The following NIPBL variants were observed in gnomAD, a reference collection of about 807,000 sequenced individuals.
NIPBL encodes nipped-B-like protein.
NIPBL carries 19 observed loss-of-function variants against 321.8 expected under a neutral mutation model. The observed-to-expected ratio is 0.06, with a 90% confidence interval of 0.04 to 0.09. NIPBL has a LOEUF of 0.09. Among genes scored for constraint, NIPBL ranks in the 10% least tolerant of loss-of-function variants. The pLI is 1.00. For synonymous variants in NIPBL, 1,106 were observed against 1,114.1 expected (o/e 0.99, Z 0.14); for missense variants, 2,210 against 3,327.0 (o/e 0.66, Z 8.26).
chr5:36,968,723 T>A (rs1286923555), intron 6 of NIPBL, among the ~76,000 whole-genome samples: 2 of 152,146 alleles, frequency 1.3e-5, no homozygotes, highest in African/African-American at 4.8e-5. Context: ...AGAGGTTGAT[T>A]TAATGTTACC....
intron 44 of NIPBL, among the ~76,000 whole-genome samples, chr5:37,060,521 G>A (rs1299079146): frequency 6.6e-6 from 1 of 152,140 alleles, no homozygotes; most frequent in Non-Finnish European, 1.5e-5. Flanking sequence ...TTAAAACCTT[G>A]TAAGGTTTTG....
intron 34 of NIPBL, among the ~76,000 whole-genome samples, chr5:37,041,421 A>C (rs1752356072): frequency 1.3e-5 from 2 of 150,782 alleles, no homozygotes; most frequent in African/African-American, 4.9e-5. Flanking sequence ...ACACCACCAC[A>C]CCTGGCTAAT....
At chr5:37,009,810 G>A (rs1012764783) in intron 20 of NIPBL, among the ~76,000 whole-genome samples, 7 of 152,166 alleles carry the variant, frequency 4.6e-5, no homozygotes, top group Admixed American at 2.0e-4. Context: ...ATGTTTAGTA[G>A]TAGTATGAAT....
At chr5:36,964,314 A>C (rs1413882190) in intron 6 of NIPBL, among the ~76,000 whole-genome samples, 1 of 152,184 alleles carries the variant, frequency 6.6e-6, no homozygotes, top group Non-Finnish European at 1.5e-5. Flanking sequence ...GAAAAAGAAA[A>C]AAGCTGGAGG....
intron 1 of NIPBL, among the ~76,000 whole-genome samples, chr5:36,917,097 A>T (rs980085157): frequency 7.2e-5 from 11 of 152,322 alleles, no homozygotes; most frequent in Middle Eastern, 6.8e-3. Context: ...CAATGACTGA[A>T]CTAGTTTACA....
intron 1 of NIPBL, among the ~76,000 whole-genome samples, chr5:36,943,284 TATA>T (rs1330079408): frequency 2.6e-5 from 4 of 152,146 alleles, no homozygotes; most frequent in African/African-American, 9.7e-5. Context: ...ATTTGTCAAT[TATA>T]ATAACATCAA....
chr5:36,958,856 A>G (rs1741277067), intron 4 of NIPBL, among the ~76,000 whole-genome samples: 1 of 152,208 alleles, frequency 6.6e-6, no homozygotes, highest in Non-Finnish European at 1.5e-5. Flanking sequence ...AAAATAGGGC[A>G]GGAATAGCTT....
chr5:36,911,069 T>C (rs1049499523), intron 1 of NIPBL, among the ~76,000 whole-genome samples: 23 of 152,224 alleles, frequency 1.5e-4, no homozygotes, highest in Non-Finnish European at 3.2e-4. Context: ...ACTAGCATTG[T>C]ATGAATGAAG....
chr5:37,054,523 T>G (rs1753902034), intron 42 of NIPBL, among the ~76,000 whole-genome samples: 1 of 152,188 alleles, frequency 6.6e-6, no homozygotes, highest in Non-Finnish European at 1.5e-5. Context: ...TGATGGTTTG[T>G]GTTGATAATA....
At position 36,934,972 on chromosome 5, in the gene NIPBL, A is replaced by G. The variant is rs577847490; in HGVS notation, c.-79-18646A>G. Among the ~76,000 whole-genome samples, 10 of 152,214 alleles carry G rather than the reference A, an allele frequency of 6.6e-5. No individual in the cohort carries two copies. The South Asian group carries it at 1.0e-3, about 16-fold the overall frequency. ...CTCACCATGCGCGTTGAATGTTGCA[A>G]TACTGTTTCTCTTCTCTTCAGTGTC... On this transcript the variant is annotated intron_variant, in intron 1 of 46. Transcript: ENST00000282516.
At chr5:36,898,700 G>A (rs564374941) in intron 1 of NIPBL, among the ~76,000 whole-genome samples, 1 of 151,914 alleles carries the variant, frequency 6.6e-6, no homozygotes, top group Non-Finnish European at 1.5e-5. Flanking sequence ...TAGCAGAGAT[G>A]GGGTTTCTCC....
At position 37,048,574 on chromosome 5, in the gene NIPBL, C is replaced by G. The variant is rs1753204458; in HGVS notation, c.6662C>G (p.Ser2221Cys). ...AAGAATCTATATAATAATATTTTAT[C>G]TGATAAGAACTCCTCAGTCAATTTA... The part of the protein sequence containing the change: ...EVKNLYNNIL[S>C]DKNSSVNLKI... Residue 2221 changes from serine to cysteine, a missense_variant, in exon 39 of 47, where the codon TCT (serine) becomes TGT (cysteine). Ser to Cys is a moderately radical substitution (Grantham distance 112, BLOSUM62 -1). Transcript: ENST00000282516. 1.9e-6 allele frequency: 3 copies of G among 1,585,918 alleles called. No homozygotes were observed. Among genetic ancestry groups the G allele is most frequent in the Non-Finnish European group, 2.6e-6 (3 of 1,162,908 alleles).
intron 10 of NIPBL, among the ~76,000 whole-genome samples, chr5:36,987,780 A>T (rs781326110): frequency 6.6e-6 from 1 of 152,228 alleles, no homozygotes; most frequent in African/African-American, 2.4e-5. Flanking sequence ...TTAAGACATC[A>T]GCCTTAATTA....
At chr5:37,047,152 T>C (rs1367260165) in intron 38 of NIPBL, among the ~76,000 whole-genome samples, 2 of 152,210 alleles carry the variant, frequency 1.3e-5, no homozygotes, top group East Asian at 3.8e-4. Flanking sequence ...TACCCCATTT[T>C]ATATCAGGGA....
At chr5:37,043,000 C>T (rs1752600354) in intron 34 of NIPBL, among the ~76,000 whole-genome samples, 1 of 151,726 alleles carries the variant, frequency 6.6e-6, no homozygotes, top group Non-Finnish European at 1.5e-5. Flanking sequence ...TATTGTAAAT[C>T]CTTTTCTACC....
In NIPBL at chr5:37,064,949, G is replaced by C. The variant is rs1032960059; in HGVS notation, c.*57G>C. On this transcript the variant is annotated 3_prime_UTR_variant, in exon 47 of 47. Transcript: ENST00000282516. Reference sequence around the variant, plus strand: ...ATTTTTTTAAAAGGCAGAAAAACTTGAAATACCAACATTCTGGCAAAAAAA... The same window carrying C: ...ATTTTTTTAAAAGGCAGAAAAACTTCAAATACCAACATTCTGGCAAAAAAA... The C allele has an allele frequency of 1.5e-5, 24 of 1,603,690 alleles. No individual in the cohort carries two copies. Among genetic ancestry groups the C allele is most frequent in the Non-Finnish European group, 2.0e-5 (24 of 1,172,492 alleles).
rs986227498 is a variant in NIPBL at position 37,007,976 on chromosome 5, G to A, written c.4240-32G>A. On this transcript the variant is annotated intron_variant, in intron 18 of 46. Transcript: ENST00000282516. ...AGAATGTTACTGAAATCAACTAAAG[G>A]TGTATACTACTTACTCTTCTTTTTT... The A allele has an allele frequency of 5.9e-6, 7 of 1,193,986 alleles. No individual in the cohort carries two copies. In the African/African-American group the frequency reaches 9.0e-5, roughly 15 times the overall value. The allele number at this position is 1,193,986 out of a possible 1,614,324, so 74.0% of individuals were successfully genotyped here.
intron 17 of NIPBL, 50 bp downstream of exon 17, chr5:37,006,638 G>A: frequency 8.1e-7 from 1 of 1,237,110 alleles, no homozygotes; most frequent in Non-Finnish European, 1.2e-6. Context: ...CATGTTAGAT[G>A]AGTCAAAATA....
chr5:37,015,424 C>T (rs1433763225), intron 22 of NIPBL, among the ~76,000 whole-genome samples: 1 of 152,276 alleles, frequency 6.6e-6, no homozygotes, highest in East Asian at 1.9e-4. Flanking sequence ...GCGCCCAGCC[C>T]AGCCTCCATA....
Sources: allele counts gnomAD v4.1 joint callset (sites outside exome capture counted in the v4.1 genomes callset), GRCh38; gene constraint gnomAD v4.1.1; transcripts MANE v1.5; gene names NCBI Gene and HGNC (gene_info 2026-07-23, HGNC 2026-07-21).